Variants in CACNA2D3 observed in about 807,000 individuals in gnomAD.
The protein encoded by CACNA2D3 is calcium voltage-gated channel auxiliary subunit alpha2delta 3, also known as voltage-dependent calcium channel subunit alpha-2/delta-3.
Under a neutral mutation model 160.6 loss-of-function variants are expected in CACNA2D3, and 60 were observed. The ratio of observed to expected loss-of-function variants is 0.37; its 90% CI spans 0.30 to 0.46. The LOEUF is 0.46. Among genes scored for constraint, CACNA2D3 ranks in the 20% least tolerant of loss-of-function variants. CACNA2D3 has a pLI of 1.00. For missense variants in CACNA2D3, 1,205 were observed against 1,365.0 expected, an observed-to-expected ratio of 0.88 and a Z score of 1.85; for synonymous variants, 558 against 492.9, an observed-to-expected ratio of 1.13 and a Z score of -1.75.
Position 54,888,038 on chromosome 3 carries a change from C to A in CACNA2D3, c.2136C>A (p.Ala712=). The change falls in exon 24 of 38, where the codon GCC becomes GCA. Residue 712 remains alanine, a synonymous_variant. Transcript: ENST00000474759. ...APIEAYWTSL[A]LNKSENSDKG... Reference sequence around the variant, plus strand: ...TTGAAGCGTATTGGACCAGCCTGGCCCTCAACAAATCTGAGTAAGTGGTTG... The same window carrying A: ...TTGAAGCGTATTGGACCAGCCTGGCACTCAACAAATCTGAGTAAGTGGTTG... 2 of 1,613,638 alleles carry A rather than the reference C, an allele frequency of 1.2e-6. No individual in the cohort carries two copies. Among genetic ancestry groups the A allele is most frequent in the Non-Finnish European group, 1.7e-6 (2 of 1,179,632 alleles).
At chr3:54,701,658 T>A (rs556798438) in intron 11 of CACNA2D3, among the ~76,000 whole-genome samples, 1 of 152,316 alleles carries the variant, frequency 6.6e-6, no homozygotes, top group Non-Finnish European at 1.5e-5. Flanking sequence ...GTTGTTAAAA[T>A]GGCCATACTG....
chr3:54,775,428 C>G (rs1170696854), intron 13 of CACNA2D3, among the ~76,000 whole-genome samples: 1 of 152,140 alleles, frequency 6.6e-6, no homozygotes, highest in Non-Finnish European at 1.5e-5. Flanking sequence ...AGACACGAAG[C>G]CCAGTTGCTT....
intron 3 of CACNA2D3, among the ~76,000 whole-genome samples, chr3:54,330,653 AG>A (rs1465797810): frequency 2.0e-5 from 3 of 152,236 alleles, no homozygotes; most frequent in African/African-American, 7.2e-5. Context: ...AGCTGCACAG[AG>A]ATGATGGAAG....
chr3:54,249,369 C>G (rs1702137992), intron 2 of CACNA2D3, among the ~76,000 whole-genome samples: 1 of 152,050 alleles, frequency 6.6e-6, no homozygotes, highest in African/African-American at 2.4e-5. Context: ...CTTGTCTAAT[C>G]CATTAAAGGC....
intron 10 of CACNA2D3, among the ~76,000 whole-genome samples, chr3:54,641,312 A>G (rs1433522848): frequency 6.6e-6 from 1 of 152,258 alleles, no homozygotes; most frequent in East Asian, 1.9e-4. Flanking sequence ...GTGGATTCAA[A>G]GATTTCTGAC....
At chr3:54,554,875 T>C (rs1294925716) in intron 5 of CACNA2D3, among the ~76,000 whole-genome samples, 21 of 88,904 alleles carry the variant, frequency 2.4e-4, no homozygotes, top group East Asian at 1.1e-3. Context: ...ACTCTCTTTT[T>C]TTTTTTTTTT....
At chr3:54,511,817 T>C (rs991196631) in intron 5 of CACNA2D3, among the ~76,000 whole-genome samples, 1 of 152,230 alleles carries the variant, frequency 6.6e-6, no homozygotes, top group Non-Finnish European at 1.5e-5. Context: ...AGATGATTTA[T>C]TTTTAAAAAA....
intron 35 of CACNA2D3, among the ~76,000 whole-genome samples, chr3:55,035,650 G>A (rs570486665): frequency 1.7e-4 from 26 of 152,174 alleles, no homozygotes; most frequent in Admixed American, 7.2e-4. Flanking sequence ...TCATTTCTCC[G>A]TTATAAAGGA....
chr3:54,934,798 C>T (rs546149799), intron 27 of CACNA2D3, among the ~76,000 whole-genome samples: 3 of 152,244 alleles, frequency 2.0e-5, no homozygotes, highest in South Asian at 4.2e-4. Flanking sequence ...GTGGCGCTAT[C>T]GTAGCTCACT....
chr3:54,661,838 ATGTGTGTATGTG>A (rs140504172), intron 11 of CACNA2D3, among the ~76,000 whole-genome samples: 15,197 of 146,690 alleles, frequency 0.1, 960 homozygotes, highest in Non-Finnish European at 0.14. Flanking sequence ...CATCTCAGGG[ATGTGTGTATGTG>A]TGTGTGTGTG....
chr3:54,903,188 T>C lies in CACNA2D3; in HGVS notation c.2449+3320T>C, dbSNP rs555012527. On this transcript the variant is annotated intron_variant, in intron 27 of 37. Transcript: ENST00000474759. ...CCTGGTACCCATTAGTTATTTTTCC[T>C]GATCCTCTCCCTCCTCCCACCCTCC... Among the ~76,000 whole-genome samples the C allele has an allele frequency of 2.4e-3, 370 of 152,332 alleles. 1 individual carries two copies. Among genetic ancestry groups the C allele is most frequent in the African/African-American group, 8.4e-3 (351 of 41,566 alleles).
Position 54,778,262 on chromosome 3 carries a change from G to T in CACNA2D3, c.1380+13911G>T, listed in dbSNP as rs1451554942. 2.0e-5 allele frequency among the ~76,000 whole-genome samples: 3 copies of T among 152,034 alleles called. 1 individual carries two copies. Among genetic ancestry groups the T allele is most frequent in the South Asian group, 4.2e-4 (2 of 4,810 alleles). On this transcript the variant is annotated intron_variant, in intron 13 of 37. Coordinates refer to ENST00000474759, the MANE Select transcript of CACNA2D3 (RefSeq NM_018398.3). ...GCAGCAATGATCCAGTCACCTCCCGGCAGGCCCCTTCTCCAACATTGGGGG... is the reference window on the plus strand; with the variant it reads ...GCAGCAATGATCCAGTCACCTCCCGTCAGGCCCCTTCTCCAACATTGGGGG...
intron 4 of CACNA2D3, among the ~76,000 whole-genome samples, chr3:54,418,792 A>G (rs1357116973): frequency 6.6e-6 from 1 of 152,204 alleles, no homozygotes; most frequent in Non-Finnish European, 1.5e-5. Flanking sequence ...AATATTTGGT[A>G]TACTGTTTGG....
intron 4 of CACNA2D3, among the ~76,000 whole-genome samples, chr3:54,403,211 C>T (rs550335934): frequency 4.7e-4 from 72 of 151,878 alleles, no homozygotes; most frequent in African/African-American, 1.5e-3. Flanking sequence ...AAAAAGTAGC[C>T]GGTCTTGGTG....
At chr3:54,510,352 A>G (rs1352947838) in intron 5 of CACNA2D3, among the ~76,000 whole-genome samples, 8 of 152,274 alleles carry the variant, frequency 5.3e-5, no homozygotes, top group East Asian at 3.9e-4. Context: ...CTCATTGACA[A>G]TGACCCCATG....
intron 35 of CACNA2D3, among the ~76,000 whole-genome samples, chr3:55,052,176 C>CT (rs372985770): frequency 6.2e-4 from 95 of 152,282 alleles, no homozygotes; most frequent in African/African-American, 2.3e-3. Flanking sequence ...TTCCTTATGG[C>CT]TTCCTCTTTG....
At chr3:54,445,816 T>C (rs569219212) in intron 4 of CACNA2D3, among the ~76,000 whole-genome samples, 1 of 152,178 alleles carries the variant, frequency 6.6e-6, no homozygotes, top group Non-Finnish European at 1.5e-5. Flanking sequence ...TCTGTGCTTA[T>C]GCGGTTACTT....
intron 13 of CACNA2D3, among the ~76,000 whole-genome samples, chr3:54,768,296 T>C (rs1454464429): frequency 6.6e-6 from 1 of 152,180 alleles, no homozygotes; most frequent in African/African-American, 2.4e-5. Flanking sequence ...AGATGGACAT[T>C]GTGTGCCTGC....
chr3:54,727,839 A>G (rs1292728197), intron 11 of CACNA2D3, among the ~76,000 whole-genome samples: 1 of 152,118 alleles, frequency 6.6e-6, no homozygotes, highest in Non-Finnish European at 1.5e-5. Context: ...GCAAACTACC[A>G]TGACACATGT....
Sources: allele counts gnomAD v4.1 joint callset (sites outside exome capture counted in the v4.1 genomes callset), GRCh38; gene constraint gnomAD v4.1.1; transcripts MANE v1.5; gene names NCBI Gene and HGNC (gene_info 2026-07-23, HGNC 2026-07-21).